Variants in PTBP3 observed in about 807,000 individuals in gnomAD.
PTBP3 encodes the protein polypyrimidine tract-binding protein 3.
Under a neutral mutation model 58.7 loss-of-function variants are expected in PTBP3, and 20 were observed. The observed-to-expected ratio is 0.34, with a 90% CI of 0.24 to 0.50. The LOEUF (loss-of-function observed/expected upper bound fraction) is 0.50, where lower values mean the gene tolerates loss of function less well. PTBP3 is among the 20% of genes least tolerant of loss of function. The pLI is 0.98. For missense variants in PTBP3, 509 were observed against 637.2 expected, an observed-to-expected ratio of 0.80 and a Z score of 2.17; for synonymous variants, 185 against 219.8, an observed-to-expected ratio of 0.84 and a Z score of 1.40.
At chr9:112,358,040 G>C in the PTBP3 span, among the ~76,000 whole-genome samples, 8 of 152,156 alleles carry the variant, frequency 5.3e-5, no homozygotes, top group African/African-American at 1.9e-4. Flanking sequence ...AGGCGCGGTG[G>C]CTCATGCCTG....
chr9:112,343,904 G>A, the PTBP3 span, among the ~76,000 whole-genome samples: 4 of 151,292 alleles, frequency 2.6e-5, no homozygotes, highest in Non-Finnish European at 5.9e-5. Flanking sequence ...ATCTCCTTCA[G>A]TAAAGTACCT....
rs990161188 is a variant in PTBP3 at position 112,222,854 on chromosome 9, T to C, written c.*997A>G. Reference sequence around the variant, plus strand: ...AATTCTGAGTAAGTATTAGAGATTATAGTGGTACAAAAAACCCTTGAGATT... The same window carrying C: ...AATTCTGAGTAAGTATTAGAGATTACAGTGGTACAAAAAACCCTTGAGATT... On this transcript the variant is annotated 3_prime_UTR_variant, in exon 14 of 14. Transcript: ENST00000374257. The C allele has an allele frequency of 8.9e-6, 8 of 894,180 alleles. No homozygotes were observed. The highest frequency in any genetic ancestry group is 5.2e-5 in the South Asian group (1 of 19,322). The allele number at this position is 894,180 out of a possible 1,614,324, so 55.4% of individuals were successfully genotyped here. A position where few individuals can be genotyped will look rare whatever the true frequency, so the allele number is the denominator to read the frequency against.
chr9:112,264,737 T>C (rs1195493041), intron 4 of PTBP3, among the ~76,000 whole-genome samples: 3 of 152,206 alleles, frequency 2.0e-5, no homozygotes, highest in Non-Finnish European at 2.9e-5. Flanking sequence ...AGCAACAAGA[T>C]GGAAAAAGTA....
chr9:112,305,192 G>A (rs1464498264), intron 1 of PTBP3, among the ~76,000 whole-genome samples: 2 of 151,848 alleles, frequency 1.3e-5, no homozygotes, highest in African/African-American at 4.8e-5. Context: ...TCCAAAGAAA[G>A]GTGTGGCTTT....
intron 1 of PTBP3, among the ~76,000 whole-genome samples, chr9:112,306,605 T>TATATATATA (rs746604981): frequency 2.6e-3 from 241 of 94,108 alleles, no homozygotes; most frequent in South Asian, 8.1e-3. Flanking sequence ...TATATATATA[T>TATATATATA]TTTTGTTTGT....
chr9:112,248,957 T>A (rs1011172883), intron 7 of PTBP3, among the ~76,000 whole-genome samples: 1 of 152,236 alleles, frequency 6.6e-6, no homozygotes, highest in African/African-American at 2.4e-5. Context: ...CAGCCACATG[T>A]ATGAATATGG....
chr9:112,265,363 C>T (rs1836756684), intron 4 of PTBP3, among the ~76,000 whole-genome samples: 1 of 145,162 alleles, frequency 6.9e-6, no homozygotes, highest in Non-Finnish European at 1.5e-5. Context: ...ATTAGCTGGG[C>T]GTGGTGGCTA....
chr9:112,279,819 C>A (rs1207648260), intron 2 of PTBP3, among the ~76,000 whole-genome samples: 1 of 152,168 alleles, frequency 6.6e-6, no homozygotes, highest in Non-Finnish European at 1.5e-5. Context: ...AAATTTCTCT[C>A]AGTAAAGTTC....
intron 7 of PTBP3, among the ~76,000 whole-genome samples, chr9:112,247,839 G>A (rs1023834493): frequency 6.6e-6 from 1 of 151,946 alleles, no homozygotes; most frequent in Non-Finnish European, 1.5e-5. Context: ...AGACATAAAG[G>A]GACATCATAT....
chr9:112,238,954 G>A (rs1190680425), intron 7 of PTBP3, among the ~76,000 whole-genome samples: 4 of 152,190 alleles, frequency 2.6e-5, no homozygotes, highest in African/African-American at 9.6e-5. Flanking sequence ...TGGCATGTCT[G>A]AGTTGCAAGA....
At chr9:112,326,162 A>G (rs1830148381) in intron 1 of PTBP3, among the ~76,000 whole-genome samples, 1 of 152,248 alleles carries the variant, frequency 6.6e-6, no homozygotes, top group Admixed American at 6.5e-5. Context: ...ACTAGTGGAT[A>G]CAAGTGTCAA....
At chr9:112,272,370 C>T (rs777424280) in intron 3 of PTBP3, among the ~76,000 whole-genome samples, 9 of 152,036 alleles carry the variant, frequency 5.9e-5, no homozygotes, top group Admixed American at 3.9e-4. Flanking sequence ...CAGCCTTTGT[C>T]GCCCTATTTT....
chr9:112,223,704 ATC>A lies in PTBP3; in HGVS notation c.*145_*146del. On this transcript the variant is annotated 3_prime_UTR_variant, in exon 14 of 14. Coordinates refer to ENST00000374257, the MANE Select transcript of PTBP3 (RefSeq NM_001163788.4). ...GGCAGGGGGAATACAAAAAAAAAAA[ATC>A]CCTTGATTTTTAAAATATACTTGAA... 2.3e-6 allele frequency: 3 copies of A among 1,283,774 alleles called. No individual in the cohort carries two copies. Among genetic ancestry groups the A allele is most frequent in the East Asian group, 3.1e-5 (1 of 32,030 alleles). 79.5% of individuals were successfully genotyped at this position (1,283,774 alleles called of 1,614,324 possible).
rs146692498 is a variant in PTBP3, at chr9:112,325,197, C to A, written c.-52+8273G>T. 2.5e-3 allele frequency among the ~76,000 whole-genome samples: 384 copies of A among 152,354 alleles called. 2 individuals carry two copies. The highest frequency in any genetic ancestry group is 8.8e-3 in the African/African-American group (366 of 41,584). On this transcript the variant is annotated intron_variant, in intron 1 of 13. Coordinates refer to ENST00000374257, the MANE Select transcript of PTBP3 (RefSeq NM_001163788.4). Reference sequence around the variant, plus strand: ...GAGGGAAGGGTCCCCGGAGAACCTTCGACCTGCCCAGGTCATCATGCACAG... The same window carrying A: ...GAGGGAAGGGTCCCCGGAGAACCTTAGACCTGCCCAGGTCATCATGCACAG...
chr9:112,371,442 C>G, the PTBP3 span, among the ~76,000 whole-genome samples: 1 of 152,168 alleles, frequency 6.6e-6, no homozygotes, highest in East Asian at 1.9e-4. Flanking sequence ...TCATCTGTTT[C>G]AACTCAACTA....
intron 10 of PTBP3, among the ~76,000 whole-genome samples, chr9:112,229,894 T>C (rs1167837559): frequency 6.6e-6 from 1 of 152,188 alleles, no homozygotes; most frequent in Non-Finnish European, 1.5e-5. Flanking sequence ...TAACTACTTT[T>C]GGTATGAAAC....
intron 2 of PTBP3, among the ~76,000 whole-genome samples, chr9:112,287,635 C>T (rs1169392622): frequency 1.3e-5 from 2 of 152,136 alleles, no homozygotes; most frequent in African/African-American, 4.8e-5. Flanking sequence ...GCCACCACGC[C>T]CAGCCTTCAG....
intron 2 of PTBP3, among the ~76,000 whole-genome samples, chr9:112,288,833 G>A (rs1828252203): frequency 6.6e-6 from 1 of 152,154 alleles, no homozygotes. Context: ...ATCAAGTACG[G>A]AGCTTAGTGT....
At chr9:112,231,976 GAAGAGAAGAGAAGAGAA>G (rs1835238827) in intron 9 of PTBP3, 106 bp downstream of exon 9, 1 of 353,766 alleles carries the variant, frequency 2.8e-6, no homozygotes, top group African/African-American at 6.9e-5. Context: ...AGAGAGAAGA[GAAGAGAAGAGAAGAGAA>G]GAGAAGAGAA....
Sources: gnomAD v4.1 joint callset for allele counts (sites outside exome capture counted in the v4.1 genomes callset) on GRCh38, gnomAD v4.1.1 for gene constraint, MANE v1.5 for transcripts, NCBI Gene and HGNC (gene_info 2026-07-23, HGNC 2026-07-21) for gene names.